Variants in NPAS3 observed in about 807,000 individuals in gnomAD.
NPAS3 encodes neuronal PAS domain protein 3.
A neutral mutation model predicts 73.1 loss-of-function variants in NPAS3; 14 were observed. The observed-to-expected ratio is 0.19, with a 90% CI of 0.13 to 0.30. NPAS3 has a LOEUF of 0.30. Among genes scored for constraint, NPAS3 ranks in the 10% least tolerant of loss-of-function variants. The pLI, the probability that NPAS3 is intolerant of heterozygous loss-of-function variation, is 1.00. For missense variants in NPAS3, 1,096 were observed against 1,250.0 expected (o/e 0.88, Z 1.86); for synonymous variants, 620 against 541.5 (o/e 1.14, Z -2.01).
chr14:32,976,384 GTTTATA>G (rs1423290237), intron 1 of NPAS3, among the ~76,000 whole-genome samples: 1 of 152,010 alleles, frequency 6.6e-6, no homozygotes, highest in Non-Finnish European at 1.5e-5. Flanking sequence ...TGAAACTTCT[GTTTATA>G]TTTATTTTTG....
chr14:33,801,609 G>C (rs2063715992), downstream of NPAS3: 1 of 152,948 alleles, frequency 6.5e-6, no homozygotes, highest in African/African-American at 2.4e-5. Flanking sequence ...AGGGGGAATA[G>C]TATTTTAGAA....
intron 2 of NPAS3, among the ~76,000 whole-genome samples, chr14:33,163,353 T>A (rs1355272209): frequency 1.3e-5 from 2 of 152,208 alleles, no homozygotes; most frequent in Non-Finnish European, 2.9e-5. Context: ...AGCTGGAGCA[T>A]GTAAGATAGC....
chr14:33,144,892 C>A (rs1469475696), intron 2 of NPAS3, among the ~76,000 whole-genome samples: 2 of 152,124 alleles, frequency 1.3e-5, no homozygotes, highest in African/African-American at 4.8e-5. Context: ...CCACACCTAG[C>A]CTTCATGTGA....
chr14:33,181,195 C>T (rs538286870), intron 2 of NPAS3, among the ~76,000 whole-genome samples: 423 of 151,978 alleles, frequency 2.8e-3, no homozygotes, highest in Non-Finnish European at 3.8e-3. Context: ...ATGACAAGGC[C>T]GTTAGTATGA....
chr14:32,963,981 C>A (rs1293681012), intron 1 of NPAS3, among the ~76,000 whole-genome samples: 1 of 151,606 alleles, frequency 6.6e-6, no homozygotes, highest in African/African-American at 2.4e-5. Context: ...CCTTGGTATA[C>A]CTTAAAATCA....
At chr14:33,793,668 T>A (rs527925124) in intron 9 of NPAS3, among the ~76,000 whole-genome samples, 19 of 152,320 alleles carry the variant, frequency 1.2e-4, no homozygotes, top group African/African-American at 4.6e-4. Flanking sequence ...CAAAACGGAA[T>A]AAAGTCTTGC....
chr14:33,201,677 A>G (rs1404918542), intron 2 of NPAS3, among the ~76,000 whole-genome samples: 3 of 152,208 alleles, frequency 2.0e-5, no homozygotes, highest in Non-Finnish European at 4.4e-5. Flanking sequence ...GAAATGTTCA[A>G]TCATGTAGTA....
intron 4 of NPAS3, among the ~76,000 whole-genome samples, chr14:33,535,616 A>G (rs553041782): frequency 2.0e-5 from 3 of 152,328 alleles, no homozygotes; most frequent in East Asian, 3.9e-4. Context: ...ATCAATTAAC[A>G]TGTTCATCAG....
At chr14:33,414,080 G>A (rs1280407673) in intron 4 of NPAS3, among the ~76,000 whole-genome samples, 1 of 152,060 alleles carries the variant, frequency 6.6e-6, no homozygotes, top group African/African-American at 2.4e-5. Context: ...TAGAGACTCA[G>A]GTTATGTGCA....
At chr14:33,324,433 A>G (rs1449282882) in intron 3 of NPAS3, among the ~76,000 whole-genome samples, 1 of 152,196 alleles carries the variant, frequency 6.6e-6, no homozygotes, top group Non-Finnish European at 1.5e-5. Context: ...CAGCACTAGT[A>G]TTGTACAAAA....
upstream of NPAS3, among the ~76,000 whole-genome samples, chr14:32,938,474 AGAGAGAGAAATT>A (rs2035779686): frequency 1.5e-4 from 18 of 122,850 alleles, no homozygotes; most frequent in African/African-American, 1.8e-4. Context: ...AGAGAGAGAG[AGAGAGAGAAATT>A]GAGAGAGAGA....
intron 6 of NPAS3, among the ~76,000 whole-genome samples, chr14:33,697,690 T>A (rs540260090): frequency 6.6e-6 from 1 of 152,208 alleles, no homozygotes; most frequent in Non-Finnish European, 1.5e-5. Flanking sequence ...TTGTAACTTA[T>A]CTGCTGACTG....
Position 33,725,595 on chromosome 14 carries a change from T to TACCTCTCTCATGTC in NPAS3, c.734-9615_734-9602dup, listed in dbSNP as rs536287289. Among the ~76,000 whole-genome samples the TACCTCTCTCATGTC allele has an allele frequency of 2.5e-3, 388 of 152,240 alleles. 1 individual carries two copies. Among genetic ancestry groups the TACCTCTCTCATGTC allele is most frequent in the African/African-American group, 8.8e-3 (365 of 41,520 alleles). On this transcript the variant is annotated intron_variant, in intron 6 of 11. Transcript: ENST00000356141. ...CCCTCTGAACAAAGCCCCTACTGCC[T>TACCTCTCTCATGTC]ACCTCTCTCATGTCACCATACTCCT...
chr14:33,521,802 G>A (rs1281684097), intron 4 of NPAS3, among the ~76,000 whole-genome samples: 1 of 152,092 alleles, frequency 6.6e-6, no homozygotes, highest in Non-Finnish European at 1.5e-5. Flanking sequence ...AATTTCCAAT[G>A]CCTTGCATAT....
At chr14:33,517,601 C>G (rs115362684) in intron 4 of NPAS3, among the ~76,000 whole-genome samples, 1,620 of 152,146 alleles carry the variant, frequency 0.011, 36 homozygotes, top group African/African-American at 0.037. Context: ...AGGTTCAACT[C>G]AGGCATCATT....
intron 4 of NPAS3, among the ~76,000 whole-genome samples, chr14:33,509,952 C>T (rs2052961757): frequency 6.6e-6 from 1 of 151,986 alleles, no homozygotes; most frequent in South Asian, 2.1e-4. Flanking sequence ...AGCATCAAAT[C>T]TAAAGTCTAC....
intron 4 of NPAS3, among the ~76,000 whole-genome samples, chr14:33,517,771 T>G (rs2053370077): frequency 6.6e-6 from 1 of 152,102 alleles, no homozygotes; most frequent in Admixed American, 6.6e-5. Flanking sequence ...GCCCATCTAG[T>G]TCCCGCCCCC....
At position 33,433,759 on chromosome 14, in the gene NPAS3, C is replaced by G. The variant is rs180741002; in HGVS notation, c.468+66491C>G. On this transcript the variant is annotated intron_variant, in intron 4 of 11. Coordinates refer to ENST00000356141, the Ensembl canonical transcript of NPAS3. ...CAGACTTTGGAGTTAAGCCCTAACT[C>G]TAGGTCAAAAGCCTGAAAACAGCCT... Among the ~76,000 whole-genome samples, 67 of 152,296 alleles carry G rather than the reference C, an allele frequency of 4.4e-4. No homozygotes were observed. In the East Asian group the frequency reaches 6.0e-3, roughly 14 times the overall value.
At chr14:33,159,191 A>T (rs1033347478) in intron 2 of NPAS3, among the ~76,000 whole-genome samples, 3 of 152,156 alleles carry the variant, frequency 2.0e-5, no homozygotes, top group African/African-American at 4.8e-5. Flanking sequence ...AAATTAAATT[A>T]AAAACCAAAA....
Sources: allele counts gnomAD v4.1 joint callset (sites outside exome capture counted in the v4.1 genomes callset), GRCh38; gene constraint gnomAD v4.1.1; transcripts MANE v1.5; gene names NCBI Gene and HGNC (gene_info 2026-07-23, HGNC 2026-07-21).